The following LRP1B variants were observed in gnomAD, a reference collection of about 807,000 sequenced individuals.
The protein encoded by LRP1B is LDL receptor related protein 1B, also known as low-density lipoprotein receptor-related protein 1B.
A neutral mutation model predicts 556.6 loss-of-function variants in LRP1B; 217 were observed. The ratio of observed to expected loss-of-function variants is 0.39; its 90% CI spans 0.35 to 0.44. The LOEUF (loss-of-function observed/expected upper bound fraction) is 0.44. Among genes scored for constraint, LRP1B ranks in the 20% least tolerant of loss-of-function variants. The pLI, the probability that LRP1B is intolerant of heterozygous loss-of-function variation, is 1.00. For missense variants in LRP1B, 5,053 were observed against 5,620.8 expected (o/e 0.90, Z 3.23); for synonymous variants, 2,047 against 1,865.8 (o/e 1.10, Z -2.50).
At chr2:140,536,333 AAAAAAAAAAGG>A (rs2105001792) in intron 46 of LRP1B, among the ~76,000 whole-genome samples, 1 of 146,820 alleles carries the variant, frequency 6.8e-6, no homozygotes, top group East Asian at 2.0e-4. Context: ...AAAAAAAAAA[AAAAAAAAAAGG>A]CTATTTTGTG....
chr2:141,663,986 A>G (rs2105400479), intron 2 of LRP1B, among the ~76,000 whole-genome samples: 1 of 152,204 alleles, frequency 6.6e-6, no homozygotes, highest in Admixed American at 6.5e-5. Context: ...TCGATGCAAA[A>G]ATCGTCCATA....
At chr2:141,230,767 T>C (rs1183137878) in intron 5 of LRP1B, among the ~76,000 whole-genome samples, 1 of 152,212 alleles carries the variant, frequency 6.6e-6, no homozygotes, top group Admixed American at 6.5e-5. Flanking sequence ...GCTTACTTGC[T>C]CACCTCTTTT....
intron 32 of LRP1B, among the ~76,000 whole-genome samples, chr2:140,804,008 C>T (rs1390505237): frequency 6.6e-6 from 1 of 151,282 alleles, no homozygotes; most frequent in East Asian, 1.9e-4. Flanking sequence ...AGCAAAGATT[C>T]CTTTGAAACT....
At chr2:141,463,575 TA>T in intron 3 of LRP1B, among the ~76,000 whole-genome samples, 1 of 48,420 alleles carries the variant, frequency 2.1e-5, no homozygotes, top group African/African-American at 6.5e-5. Context: ...TTATATATTA[TA>T]TATAATTATA....
Position 141,657,365 on chromosome 2 carries a change from C to T in LRP1B, c.205+152914G>A, listed in dbSNP as rs7567820. Among the ~76,000 whole-genome samples the T allele has an allele frequency of 2.6e-5, 4 of 152,000 alleles. No individual in the cohort carries two copies. The East Asian group carries it at 5.8e-4, about 22-fold the overall frequency. On this transcript the variant is annotated intron_variant, in intron 2 of 90. Coordinates refer to ENST00000389484, the MANE Select transcript of LRP1B (RefSeq NM_018557.3). ...TTAATTCTTGATGAAGTCTTTCTTACGGATCAAATAAATTTTATTCTTGGC... is the reference window on the plus strand; with the variant it reads ...TTAATTCTTGATGAAGTCTTTCTTATGGATCAAATAAATTTTATTCTTGGC...
chr2:140,373,033 C>T lies in LRP1B; in HGVS notation c.10743G>A (p.Gly3581=), dbSNP rs755835773. 15 of 1,613,306 alleles carry T rather than the reference C, an allele frequency of 9.3e-6. No homozygotes were observed. Among genetic ancestry groups the T allele is most frequent in the Non-Finnish European group, 1.2e-5 (14 of 1,179,600 alleles). ...CTGGCTCACAGCTTTTCTCATCTTC[C>T]CCATATTTGCAGTCTTCATGGCCAT... ...KCDGHEDCKY[G]EDEKSCEPAS... Residue 3581 remains glycine (G), a synonymous_variant, in exon 69 of 91, where the codon GGG becomes GGA. Transcript: ENST00000389484.
At chr2:140,632,044 G>A (rs186377611) in intron 41 of LRP1B, among the ~76,000 whole-genome samples, 5 of 152,228 alleles carry the variant, frequency 3.3e-5, no homozygotes, top group Admixed American at 2.0e-4. Flanking sequence ...TTAGAATTCT[G>A]TATACACTAT....
intron 56 of LRP1B, among the ~76,000 whole-genome samples, chr2:140,493,996 A>C (rs1688810640): frequency 6.6e-6 from 1 of 152,184 alleles, no homozygotes; most frequent in Admixed American, 6.5e-5. Context: ...CTCAATTATA[A>C]ATATAAAATT....
At chr2:140,412,356 C>T (rs1027791226) in intron 66 of LRP1B, among the ~76,000 whole-genome samples, 3 of 152,100 alleles carry the variant, frequency 2.0e-5, no homozygotes, top group Non-Finnish European at 4.4e-5. Context: ...CCCAAATCAA[C>T]TTTTGCTCAT....
chr2:140,399,117 T>C (rs980495604), intron 66 of LRP1B, among the ~76,000 whole-genome samples: 13 of 151,732 alleles, frequency 8.6e-5, no homozygotes, highest in Non-Finnish European at 1.6e-4. Context: ...TCTTTTAGAA[T>C]TGATCTAAAA....
chr2:140,502,826 C>G (rs1689253454), intron 54 of LRP1B, 137 bp downstream of exon 54: 2 of 777,604 alleles, frequency 2.6e-6, no homozygotes, highest in Admixed American at 5.3e-5. Flanking sequence ...TACTAGTACC[C>G]TGCATGGTGT....
chr2:141,210,028 A>G (rs1320990849), intron 6 of LRP1B, among the ~76,000 whole-genome samples: 6 of 152,120 alleles, frequency 3.9e-5, no homozygotes, highest in Admixed American at 1.3e-4. Context: ...TACAAAGCCC[A>G]ATGTTAAAAT....
chr2:141,176,861 C>T (rs1680759998), intron 7 of LRP1B, among the ~76,000 whole-genome samples: 1 of 152,000 alleles, frequency 6.6e-6, no homozygotes, highest in African/African-American at 2.4e-5. Context: ...GAGATGTTAA[C>T]CTGTTCTTCA....
chr2:142,041,957 G>C (rs567353513), intron 1 of LRP1B, among the ~76,000 whole-genome samples: 1 of 151,598 alleles, frequency 6.6e-6, no homozygotes, highest in South Asian at 2.1e-4. Flanking sequence ...GTGCCTTGTT[G>C]TAGGGGAAAA....
At chr2:141,710,918 T>A (rs1692334388) in intron 2 of LRP1B, among the ~76,000 whole-genome samples, 1 of 152,194 alleles carries the variant, frequency 6.6e-6, no homozygotes, top group Non-Finnish European at 1.5e-5. Flanking sequence ...TTAGAATACA[T>A]CCTTTCCTAC....
intron 2 of LRP1B, among the ~76,000 whole-genome samples, chr2:141,728,544 A>T (rs1693137456): frequency 6.6e-6 from 1 of 152,156 alleles, no homozygotes; most frequent in African/African-American, 2.4e-5. Flanking sequence ...CTGTAAAGTT[A>T]CAAAAAACTG....
At chr2:140,676,492 T>A (rs926163461) in intron 41 of LRP1B, among the ~76,000 whole-genome samples, 1 of 152,174 alleles carries the variant, frequency 6.6e-6, no homozygotes, top group African/African-American at 2.4e-5. Context: ...CAACAGATTA[T>A]CCCATAAGAC....
intron 25 of LRP1B, among the ~76,000 whole-genome samples, chr2:140,881,546 T>A (rs1415995267): frequency 6.6e-6 from 1 of 150,634 alleles, no homozygotes; most frequent in East Asian, 1.9e-4. Context: ...CTGTCAACCT[T>A]CCAGTTAACA....
intron 3 of LRP1B, among the ~76,000 whole-genome samples, chr2:141,278,198 G>A (rs1685374377): frequency 6.6e-6 from 1 of 152,146 alleles, no homozygotes; most frequent in Admixed American, 6.5e-5. Context: ...AGGTATTAAT[G>A]CTTCAGGAGA....
Sources: gnomAD v4.1 joint callset for allele counts (sites outside exome capture counted in the v4.1 genomes callset) on GRCh38, gnomAD v4.1.1 for gene constraint, MANE v1.5 for transcripts, NCBI Gene and HGNC (gene_info 2026-07-23, HGNC 2026-07-21) for gene names.